The following SCD5 variants were observed in gnomAD, a reference collection of about 807,000 sequenced individuals.
SCD5 encodes the protein acyl-CoA-desaturase 4.
In SCD5, 20 loss-of-function variants were observed where a neutral mutation model predicts 30.4. The ratio of observed to expected loss-of-function variants is 0.66; its 90% CI spans 0.46 to 0.96. The LOEUF (loss-of-function observed/expected upper bound fraction) is 0.96. Among genes scored for constraint, SCD5 ranks in the 40% least tolerant of loss-of-function variants. The pLI, the probability that SCD5 is intolerant of heterozygous loss-of-function variation, is 0.00. For synonymous variants in SCD5, 173 were observed against 176.4 expected (o/e 0.98, Z 0.16); for missense variants, 381 against 443.3 (o/e 0.86, Z 1.26).
intron 3 of SCD5, among the ~76,000 whole-genome samples, chr4:82,647,758 G>A (rs780016109): frequency 2.6e-5 from 4 of 152,044 alleles, no homozygotes; most frequent in African/African-American, 4.8e-5. Context: ...TAAAAACTCC[G>A]GAAGATAATC....
chr4:82,768,690 A>C (rs17006309), intron 1 of SCD5, among the ~76,000 whole-genome samples: 5,912 of 152,328 alleles, frequency 0.039, 165 homozygotes, highest in African/African-American at 0.08. Flanking sequence ...CTTGCTGAGC[A>C]TAAAGTAAAG....
chr4:82,744,256 C>A (rs1029968996), intron 1 of SCD5, among the ~76,000 whole-genome samples: 4 of 152,228 alleles, frequency 2.6e-5, no homozygotes, highest in Non-Finnish European at 5.9e-5. Context: ...ATCATGCAGT[C>A]TGTTCCCCAG....
At chr4:82,660,948 A>G in intron 3 of SCD5, 2 of 1,614,224 alleles carry the variant, frequency 1.2e-6, no homozygotes. Flanking sequence ...TACAATGAGT[A>G]TGTAACAAAG....
intron 3 of SCD5, among the ~76,000 whole-genome samples, chr4:82,650,752 T>C (rs1031311077): frequency 6.6e-6 from 1 of 152,164 alleles, no homozygotes; most frequent in Non-Finnish European, 1.5e-5. Context: ...GTTAGAGCTA[T>C]TGCTATTTAC....
chr4:82,666,376 C>A (rs985060740), intron 3 of SCD5, among the ~76,000 whole-genome samples: 2 of 152,088 alleles, frequency 1.3e-5, no homozygotes, highest in Non-Finnish European at 2.9e-5. Context: ...GTTAGCCGGG[C>A]GTGGTGGCGG....
At chr4:82,769,210 G>T (rs1721562816) in intron 1 of SCD5, among the ~76,000 whole-genome samples, 1 of 151,832 alleles carries the variant, frequency 6.6e-6, no homozygotes, top group Non-Finnish European at 1.5e-5. Flanking sequence ...CCCAGCCACT[G>T]CCCTGAGATT....
At chr4:82,699,563 GTTTT>G (rs1194595349) in intron 2 of SCD5, among the ~76,000 whole-genome samples, 3 of 28,922 alleles carry the variant, frequency 1.0e-4, no homozygotes, top group African/African-American at 1.9e-4. Context: ...TTTGTTTTTT[GTTTT>G]TTGTTTTTTT....
At chr4:82,700,999 C>A (rs1451605491) in intron 2 of SCD5, among the ~76,000 whole-genome samples, 2 of 152,026 alleles carry the variant, frequency 1.3e-5, no homozygotes, top group African/African-American at 2.4e-5. Flanking sequence ...TAACACATAA[C>A]AATTTGTTCA....
chr4:82,679,113 C>T (rs973237594), intron 3 of SCD5, among the ~76,000 whole-genome samples: 14 of 149,792 alleles, frequency 9.3e-5, no homozygotes, highest in African/African-American at 3.5e-4. Context: ...GCAGGAGAAT[C>T]GCTTGAACTC....
At chr4:82,675,592 T>C (rs10030631) in intron 3 of SCD5, among the ~76,000 whole-genome samples, 34,535 of 152,140 alleles carry the variant, frequency 0.23, 4,529 homozygotes, top group East Asian at 0.4. Flanking sequence ...CTTGTTTTTA[T>C]GTGTCTGGAC....
intron 1 of SCD5, among the ~76,000 whole-genome samples, chr4:82,783,151 T>C (rs978487076): frequency 6.6e-6 from 1 of 152,196 alleles, no homozygotes; most frequent in Non-Finnish European, 1.5e-5. Flanking sequence ...CAGACGGCCA[T>C]AGACCACACT....
intron 1 of SCD5, among the ~76,000 whole-genome samples, chr4:82,739,700 G>C (rs1204424483): frequency 1.3e-5 from 2 of 152,236 alleles, no homozygotes; most frequent in East Asian, 3.8e-4. Context: ...GAGGATTACA[G>C]GGTAATTTAG....
chr4:82,666,342 A>T (rs1728187244), intron 3 of SCD5, among the ~76,000 whole-genome samples: 1 of 152,168 alleles, frequency 6.6e-6, no homozygotes. Flanking sequence ...ACTTTCCTTG[A>T]AAGTCTCTTT....
intron 2 of SCD5, chr4:82,692,255 C>A: frequency 1.3e-5 from 2 of 154,510 alleles, no homozygotes; most frequent in South Asian, 3.6e-4. Context: ...TGCCATGGGT[C>A]CTGAGGACAT....
In SCD5 at chr4:82,630,821, T is replaced by C. The variant is rs1246006524; in HGVS notation, c.*506A>G. On this transcript the variant is annotated 3_prime_UTR_variant, in exon 5 of 5. Coordinates refer to ENST00000319540, the MANE Select transcript of SCD5 (RefSeq NM_001037582.3). ...CCTCCGTCTCAAAAAAAAAAAAGTT[T>C]TTTTCGGCAGGGTGCGGTGGCTCAC... The C allele has an allele frequency of 6.9e-6, 1 of 145,640 alleles. No homozygotes were observed. Among genetic ancestry groups the C allele is most frequent in the Non-Finnish European group, 1.5e-5 (1 of 66,686 alleles). The allele number at this position is 145,640 out of a possible 1,614,324, so 9.0% of individuals were successfully genotyped here. A position where few individuals can be genotyped will look rare whatever the true frequency, so the allele number is the denominator to read the frequency against.
Position 82,691,434 on chromosome 4 carries a change from C to T in SCD5, c.364-10522G>A, listed in dbSNP as rs144255852. ...GGTAGAGGGAAGGACTTGGAACAATCGAGGAACTAAGAAAAGGCCATTGTG... is the reference window on the plus strand; with the variant it reads ...GGTAGAGGGAAGGACTTGGAACAATTGAGGAACTAAGAAAAGGCCATTGTG... On this transcript the variant is annotated intron_variant, in intron 2 of 4. Transcript: ENST00000319540. Among the ~76,000 whole-genome samples the T allele has an allele frequency of 4.1e-3, 626 of 152,130 alleles. 7 individuals are homozygous for T. The highest frequency in any genetic ancestry group is 0.012 in the African/African-American group (490 of 41,500).
At chr4:82,792,908 T>C (rs1022963938) in intron 1 of SCD5, among the ~76,000 whole-genome samples, 1 of 152,216 alleles carries the variant, frequency 6.6e-6, no homozygotes, top group Non-Finnish European at 1.5e-5. Context: ...ATGGTCACAG[T>C]GCCGTCTGCA....
At chr4:82,795,553 G>C (rs942359634) in intron 1 of SCD5, among the ~76,000 whole-genome samples, 11 of 152,192 alleles carry the variant, frequency 7.2e-5, no homozygotes, top group African/African-American at 2.6e-4. Context: ...CATGAGACTG[G>C]GTACAGTGGC....
At chr4:82,681,024 T>G in intron 2 of SCD5, 112 bp from the exon 3 acceptor site, 1 of 839,770 alleles carries the variant, frequency 1.2e-6, no homozygotes, top group Non-Finnish European at 1.9e-6. Context: ...GGTTTCACTT[T>G]CCTCCTGTCT....
Sources: allele counts gnomAD v4.1 joint callset (sites outside exome capture counted in the v4.1 genomes callset), GRCh38; gene constraint gnomAD v4.1.1; transcripts MANE v1.5; gene names NCBI Gene and HGNC (gene_info 2026-07-23, HGNC 2026-07-21).